Variants in SGO2 observed in about 807,000 individuals in gnomAD.
SGO2 encodes shugoshin-like 2.
SGO2 carries 68 observed loss-of-function variants against 99.5 expected under a neutral mutation model. That is an observed-to-expected ratio of 0.68 (90% CI 0.56 to 0.84). The LOEUF is 0.84. Among genes scored for constraint, SGO2 ranks in the 40% least tolerant of loss-of-function variants. SGO2 has a pLI of 0.00. For synonymous variants in SGO2, 457 were observed against 487.1 expected (o/e 0.94, Z 0.81); for missense variants, 1,350 against 1,436.7 (o/e 0.94, Z 0.97).
At position 200,536,077 on chromosome 2, in the gene SGO2, A is replaced by G; in HGVS notation, c.322A>G (p.Ile108Val). The part of the protein sequence containing the change: ...LKLNNLNKKL[I>V]DIEALMNNNL... ...TTTACATGTGCAGAATAAGAAGCTTATAGACATAGAAGCTCTCATGAACAA... is the reference window on the plus strand; with the variant it reads ...TTTACATGTGCAGAATAAGAAGCTTGTAGACATAGAAGCTCTCATGAACAA... The change falls in exon 4 of 9, where the codon ATA becomes GTA. Residue 108 changes from isoleucine to valine, a missense_variant. Physicochemically the swap from Ile to Val is conservative, Grantham distance 29 (BLOSUM62 3). Transcript: ENST00000357799. 6.3e-7 allele frequency: 1 copy of G among 1,583,496 alleles called. No homozygotes were observed. The highest frequency in any genetic ancestry group is 8.6e-7 in the Non-Finnish European group (1 of 1,159,508).
intron 5 of SGO2, among the ~76,000 whole-genome samples, chr2:200,557,745 T>G (rs1341403920): frequency 2.6e-5 from 4 of 152,170 alleles, no homozygotes; most frequent in South Asian, 2.1e-4. Context: ...TTACTATTTG[T>G]GAATAAGGGC....
intron 1 of SGO2, among the ~76,000 whole-genome samples, chr2:200,531,517 G>A (rs1394805270): frequency 6.6e-6 from 1 of 152,084 alleles, no homozygotes; most frequent in Non-Finnish European, 1.5e-5. Flanking sequence ...GTGTCCTCAG[G>A]GGAGAGGGTG....
intron 8 of SGO2, among the ~76,000 whole-genome samples, chr2:200,577,913 C>G (rs532678407): frequency 6.6e-6 from 1 of 152,164 alleles, no homozygotes; most frequent in South Asian, 2.1e-4. Flanking sequence ...AAGGTGGTGT[C>G]TGTTGGGTTT....
At chr2:200,561,969 T>G (rs972984619) in intron 5 of SGO2, among the ~76,000 whole-genome samples, 8 of 152,158 alleles carry the variant, frequency 5.3e-5, no homozygotes, top group African/African-American at 1.4e-4. Flanking sequence ...CTTTGTCAGA[T>G]GAGTAGATTG....
chr2:200,565,044 G>C (rs1215182963), intron 5 of SGO2, among the ~76,000 whole-genome samples: 1 of 152,132 alleles, frequency 6.6e-6, no homozygotes, highest in Non-Finnish European at 1.5e-5. Context: ...TTTAACCGGA[G>C]CATTTAGCCC....
At position 200,575,542 on chromosome 2, in the gene SGO2, C is replaced by T. The variant is rs984746806; in HGVS notation, c.3782+81C>T. On this transcript the variant is annotated intron_variant, in intron 8 of 8. Transcript: ENST00000357799. The stretch of plus-strand genomic sequence containing the variant: ...TTCTGCCTGAATTAGTATTTGAGCA[C>T]TTCTGATAATTCAATAAAATGTATA... 62 of 995,430 alleles carry T rather than the reference C, an allele frequency of 6.2e-5. No individual in the cohort carries two copies. In the Admixed American group the frequency reaches 1.5e-3, roughly 23 times the overall value. The allele number at this position is 995,430 out of a possible 1,614,324, so 61.7% of individuals were successfully genotyped here.
At position 200,572,973 on chromosome 2, in the gene SGO2, GT is replaced by G; in HGVS notation, c.2628del (p.Cys876TrpfsTer11). The G allele has an allele frequency of 6.3e-7, 1 of 1,593,970 alleles. No homozygotes were observed. The highest frequency in any genetic ancestry group is 2.2e-5 in the East Asian group (1 of 44,650). On this transcript the variant is annotated frameshift_variant, in exon 7 of 9. Coordinates refer to ENST00000357799, the MANE Select transcript of SGO2 (RefSeq NM_152524.6). LOFTEE classifies it high-confidence loss of function. The part of the protein sequence containing the change: ...DLLIKDNGNL[C>X]DYDTQNILEL... ...CTCATCAAAGATAATGGAAATTTAT[GT>G]GATTATGACACCCAGAATATATTGG...
intron 5 of SGO2, among the ~76,000 whole-genome samples, chr2:200,568,661 C>A (rs2033284175): frequency 6.6e-6 from 1 of 152,112 alleles, no homozygotes; most frequent in South Asian, 2.1e-4. Context: ...TAACCTTGAA[C>A]CAATAAGACT....
At position 200,573,913 on chromosome 2, in the gene SGO2, TGAG is replaced by T; in HGVS notation, c.3568_3570del (p.Glu1190del). 6.2e-7 allele frequency: 1 copy of T among 1,609,310 alleles called. No individual in the cohort carries two copies. Among genetic ancestry groups the T allele is most frequent in the Non-Finnish European group, 8.5e-7 (1 of 1,178,628 alleles). On this transcript the variant is annotated inframe_deletion, in exon 7 of 9. Transcript: ENST00000357799. ...CCCCAGCCTTTCAAGTAAGTGATGATGAGCATGAGAAGATGAACAAGATGAAAT... is the reference window on the plus strand; with the variant it reads ...CCCCAGCCTTTCAAGTAAGTGATGATCATGAGAAGATGAACAAGATGAAAT...
chr2:200,536,467 T>TTTTG (rs960695335), intron 4 of SGO2, among the ~76,000 whole-genome samples: 1 of 152,128 alleles, frequency 6.6e-6, no homozygotes, highest in Admixed American at 6.6e-5. Context: ...GGTTTTTGTT[T>TTTTG]TTTGTTTGTT....
chr2:200,578,477 G>T (rs376993330), intron 8 of SGO2, among the ~76,000 whole-genome samples: 1 of 152,192 alleles, frequency 6.6e-6, no homozygotes, highest in Admixed American at 6.5e-5. Context: ...GTCCAGGCTG[G>T]TTCTCATCTG....
chr2:200,569,637 C>T, intron 5 of SGO2, 26 bp from the exon 6 acceptor site: 3 of 1,530,660 alleles, frequency 2.0e-6, no homozygotes, highest in Non-Finnish European at 2.7e-6. Flanking sequence ...CACATAATTT[C>T]TCATTTCCTT....
chr2:200,564,816 TG>T (rs1374242036), intron 5 of SGO2, among the ~76,000 whole-genome samples: 2 of 152,216 alleles, frequency 1.3e-5, no homozygotes, highest in Non-Finnish European at 2.9e-5. Flanking sequence ...CATTATGTAA[TG>T]GCCTTCTTTG....
chr2:200,567,590 T>C (rs919006595), intron 5 of SGO2, among the ~76,000 whole-genome samples: 4 of 152,278 alleles, frequency 2.6e-5, no homozygotes, highest in Non-Finnish European at 5.9e-5. Flanking sequence ...AAAGGGAATC[T>C]CATATCTATA....
intron 5 of SGO2, among the ~76,000 whole-genome samples, chr2:200,545,769 A>G (rs1019729356): frequency 6.6e-6 from 1 of 152,198 alleles, no homozygotes; most frequent in African/African-American, 2.4e-5. Context: ...TGGAAAAAGC[A>G]AAATTGAAAT....
chr2:200,536,433 ATT>A (rs1002008473), intron 4 of SGO2, among the ~76,000 whole-genome samples: 3 of 152,160 alleles, frequency 2.0e-5, no homozygotes, highest in Non-Finnish European at 4.4e-5. Context: ...GAAAGGAAGC[ATT>A]TTAAGTGAGG....
intron 5 of SGO2, among the ~76,000 whole-genome samples, chr2:200,545,159 A>G (rs1487165006): frequency 6.6e-6 from 1 of 152,136 alleles, no homozygotes; most frequent in East Asian, 1.9e-4. Flanking sequence ...GGTGCATGCC[A>G]TCATGCCCGG....
intron 5 of SGO2, among the ~76,000 whole-genome samples, chr2:200,556,199 C>CA (rs1333603186): frequency 1.3e-5 from 2 of 152,190 alleles, no homozygotes; most frequent in African/African-American, 2.4e-5. Flanking sequence ...CTCCTGACCT[C>CA]AGGTGATCTG....
At chr2:200,564,783 T>G (rs2033120295) in intron 5 of SGO2, among the ~76,000 whole-genome samples, 1 of 152,206 alleles carries the variant, frequency 6.6e-6, no homozygotes, top group Non-Finnish European at 1.5e-5. Flanking sequence ...GGTTAGCTCT[T>G]CTTGTTGAAT....
Sources: gnomAD v4.1 joint callset for allele counts (sites outside exome capture counted in the v4.1 genomes callset) on GRCh38, gnomAD v4.1.1 for gene constraint, MANE v1.5 for transcripts, NCBI Gene and HGNC (gene_info 2026-07-23, HGNC 2026-07-21) for gene names.